The following BABAM2 variants were observed in gnomAD, a reference collection of about 807,000 sequenced individuals.
BABAM2 encodes BRISC and BRCA1 A complex member 2, also known as BRISC and BRCA1-A complex member 2.
Under a neutral mutation model 54.7 loss-of-function variants are expected in BABAM2, and 31 were observed. The observed-to-expected ratio is 0.57, with a 90% CI of 0.43 to 0.77. The LOEUF is 0.77. BABAM2 is among the 30% of genes least tolerant of loss of function. BABAM2 has a pLI of 0.00. For missense variants in BABAM2, 364 were observed against 455.8 expected (o/e 0.80, Z 1.83); for synonymous variants, 167 against 162.9 (o/e 1.03, Z -0.19).
chr2:28,225,112 C>T (rs1311404835), intron 7 of BABAM2, among the ~76,000 whole-genome samples: 1 of 152,216 alleles, frequency 6.6e-6, no homozygotes, highest in Non-Finnish European at 1.5e-5. Flanking sequence ...GGGGTTCTTT[C>T]CTGAAGCCTG....
At chr2:28,032,311 A>G (rs565840537) in intron 5 of BABAM2, among the ~76,000 whole-genome samples, 3 of 152,296 alleles carry the variant, frequency 2.0e-5, no homozygotes, top group East Asian at 1.9e-4. Context: ...TCTTCCTTTT[A>G]CTATCAGCTG....
chr2:27,980,950 A>G (rs550238717), intron 3 of BABAM2, among the ~76,000 whole-genome samples: 21 of 152,182 alleles, frequency 1.4e-4, no homozygotes, highest in Non-Finnish European at 2.5e-4. Context: ...GGATATCTCA[A>G]TTTCCTTAAT....
At chr2:28,332,810 C>G (rs962351050) in intron 11 of BABAM2, among the ~76,000 whole-genome samples, 2 of 152,178 alleles carry the variant, frequency 1.3e-5, no homozygotes, top group African/African-American at 4.8e-5. Flanking sequence ...CAGAATTTGT[C>G]CTTTGATGCC....
At chr2:28,221,612 T>C (rs1323941509) in intron 7 of BABAM2, among the ~76,000 whole-genome samples, 1 of 152,238 alleles carries the variant, frequency 6.6e-6, no homozygotes, top group South Asian at 2.1e-4. Context: ...TGAAGGCTGC[T>C]ATCTTCCTGG....
At chr2:28,124,938 C>A (rs1669376817) in intron 6 of BABAM2, among the ~76,000 whole-genome samples, 2 of 151,992 alleles carry the variant, frequency 1.3e-5, no homozygotes, top group South Asian at 4.1e-4. Context: ...GCAGAAGAGC[C>A]CTCAAATGAA....
intron 2 of BABAM2, among the ~76,000 whole-genome samples, chr2:27,923,427 T>C (rs1362844055): frequency 1.3e-5 from 2 of 151,964 alleles, no homozygotes; most frequent in Non-Finnish European, 2.9e-5. Flanking sequence ...GAGACCAGCC[T>C]GGGCAAAGCC....
chr2:28,094,298 T>A (rs946666210), intron 6 of BABAM2, among the ~76,000 whole-genome samples: 1 of 152,180 alleles, frequency 6.6e-6, no homozygotes, highest in Admixed American at 6.6e-5. Flanking sequence ...TTCGTGGCTG[T>A]GTCTGGCCCA....
intron 11 of BABAM2, among the ~76,000 whole-genome samples, chr2:28,312,148 G>T (rs1230479006): frequency 6.6e-6 from 1 of 152,090 alleles, no homozygotes; most frequent in Non-Finnish European, 1.5e-5. Context: ...ATTAAGGCAT[G>T]AATTCTAGAA....
chr2:28,325,807 C>T lies in BABAM2; in HGVS notation c.1089-12643C>T, dbSNP rs548818037. Reference sequence around the variant, plus strand: ...AAAAGCCAGCATGCAGGGGCCTGAGCACCTGTGGAAGCCATGAGCTCTGGC... The same window carrying T: ...AAAAGCCAGCATGCAGGGGCCTGAGTACCTGTGGAAGCCATGAGCTCTGGC... On this transcript the variant is annotated intron_variant, in intron 11 of 11. Coordinates refer to ENST00000379624, the MANE Select transcript of BABAM2 (RefSeq NM_199191.3). The surrounding 1 kb of genome is among the most constrained non-coding windows in gnomAD (Gnocchi z 4.3). Among the ~76,000 whole-genome samples the T allele has an allele frequency of 2.6e-5, 4 of 152,204 alleles. No individual in the cohort carries two copies. Among genetic ancestry groups the T allele is most frequent in the Non-Finnish European group, 5.9e-5 (4 of 68,036 alleles).
At chr2:28,314,332 A>G (rs1689333932) in intron 11 of BABAM2, among the ~76,000 whole-genome samples, 1 of 152,220 alleles carries the variant, frequency 6.6e-6, no homozygotes, top group South Asian at 2.1e-4. Flanking sequence ...TCACAGAGTC[A>G]CTTAGTGTAG....
At chr2:27,982,841 G>T (rs1437395346) in intron 3 of BABAM2, among the ~76,000 whole-genome samples, 1 of 41,228 alleles carries the variant, frequency 2.4e-5, no homozygotes, top group African/African-American at 7.8e-5. Flanking sequence ...ATTTCATTAT[G>T]TGTACACACA....
At chr2:28,307,898 G>A (rs571063118) in intron 11 of BABAM2, 1 of 152,350 alleles carries the variant, frequency 6.6e-6, no homozygotes, top group South Asian at 2.1e-4. Flanking sequence ...CATTGAAATT[G>A]GCAGTCATCA....
At chr2:28,248,104 T>C (rs1245654317) in intron 10 of BABAM2, among the ~76,000 whole-genome samples, 1 of 152,116 alleles carries the variant, frequency 6.6e-6, no homozygotes, top group Non-Finnish European at 1.5e-5. Context: ...ATCTAAGAAT[T>C]ATTCATAGCA....
At chr2:28,066,043 C>T (rs971179107) in intron 6 of BABAM2, among the ~76,000 whole-genome samples, 7 of 150,272 alleles carry the variant, frequency 4.7e-5, no homozygotes, top group African/African-American at 1.5e-4. Context: ...CCTGTAGTCC[C>T]AGCTACTCAG....
At chr2:28,054,287 CCTT>C (rs950078864) in intron 6 of BABAM2, among the ~76,000 whole-genome samples, 4 of 152,108 alleles carry the variant, frequency 2.6e-5, no homozygotes, top group African/African-American at 9.6e-5. Context: ...TTGAAGTCTC[CCTT>C]CTTCTCTTTC....
chr2:28,302,416 CAAAA>C (rs34808748), intron 11 of BABAM2, among the ~76,000 whole-genome samples: 2 of 133,548 alleles, frequency 1.5e-5, no homozygotes, highest in Non-Finnish European at 3.3e-5. Context: ...GACTCCATCT[CAAAA>C]AAAAAAAAAA....
intron 11 of BABAM2, among the ~76,000 whole-genome samples, chr2:28,320,253 C>G (rs993585956): frequency 1.3e-5 from 2 of 152,212 alleles, no homozygotes; most frequent in Admixed American, 1.3e-4. Flanking sequence ...TGTCCCCTTA[C>G]TTGGTTTTAA....
Position 28,013,729 on chromosome 2 carries a change from A to G in BABAM2, c.301-11497A>G, listed in dbSNP as rs1384665564. On this transcript the variant is annotated intron_variant, in intron 4 of 11. Coordinates refer to ENST00000379624, the MANE Select transcript of BABAM2 (RefSeq NM_199191.3). Reference sequence around the variant, plus strand: ...CACACACACACACACACACACACACACGTGTGTGTGTGTACACGTGGCTCA... The same window carrying G: ...CACACACACACACACACACACACACGCGTGTGTGTGTGTACACGTGGCTCA... 1.0e-4 allele frequency among the ~76,000 whole-genome samples: 14 copies of G among 138,344 alleles called. No homozygotes were observed. In the East Asian group the frequency reaches 1.1e-3, roughly 11 times the overall value. 90.8% of individuals were successfully genotyped at this position (138,344 alleles called of 152,430 possible).
chr2:27,894,470 G>T, intron 1 of BABAM2, 63 bp from the exon 2 acceptor site: 1 of 1,492,974 alleles, frequency 6.7e-7, no homozygotes, highest in Admixed American at 1.7e-5. Flanking sequence ...CCAGTTTTCA[G>T]GCAGAGTGTT....
Sources: allele counts gnomAD v4.1 joint callset (sites outside exome capture counted in the v4.1 genomes callset), GRCh38; gene constraint gnomAD v4.1.1; non-coding constraint Gnocchi (gnomAD v3.1); transcripts MANE v1.5; gene names NCBI Gene and HGNC (gene_info 2026-07-23, HGNC 2026-07-21).